Variants in SLC6A17 observed in about 807,000 individuals in gnomAD.
SLC6A17 encodes solute carrier family 6 member 17.
In SLC6A17, 21 loss-of-function variants were observed where a neutral mutation model predicts 64.5. The ratio of observed to expected loss-of-function variants is 0.33; its 90% CI spans 0.23 to 0.47. The LOEUF (loss-of-function observed/expected upper bound fraction) is 0.47, where lower values mean the gene tolerates loss of function less well. Among genes scored for constraint, SLC6A17 ranks in the 20% least tolerant of loss-of-function variants. The pLI, the probability that SLC6A17 is intolerant of heterozygous loss-of-function variation, is 1.00. For missense variants in SLC6A17, 682 were observed against 963.2 expected (o/e 0.71, Z 3.86); for synonymous variants, 372 against 399.5 (o/e 0.93, Z 0.82).
At chr1:110,163,204 G>T (rs1655964574) in intron 1 of SLC6A17, among the ~76,000 whole-genome samples, 1 of 151,902 alleles carries the variant, frequency 6.6e-6, no homozygotes, top group African/African-American at 2.4e-5. Flanking sequence ...CTTTGACACT[G>T]GGGTGTGGTG....
intron 1 of SLC6A17, among the ~76,000 whole-genome samples, chr1:110,158,647 G>A (rs34346606): frequency 0.45 from 67,740 of 152,096 alleles, 15,947 homozygotes; most frequent in Non-Finnish European, 0.53. Context: ...GTAAAACCAA[G>A]AGGGGTTATG....
At position 110,166,934 on chromosome 1, in the gene SLC6A17, C is replaced by T. The variant is rs774756143; in HGVS notation, c.5C>T (p.Pro2Leu). ...TACACGGCCCAGGTGGCATCAATGC[C>T]GAAGAACAGCAAAGTGACCCAGCGT... MPKNSKVTQREH... is the reference protein window; with the variant it reads MLKNSKVTQREH... Residue 2 changes from proline (P) to leucine (L), a missense_variant, in exon 2 of 12, where the codon CCG becomes CTG. Pro to Leu is a moderately conservative substitution (Grantham distance 98). This residue lies in a region of SLC6A17 where 415 missense variants were observed against 603.8 expected (regional missense o/e 0.69). Coordinates refer to ENST00000331565, the MANE Select transcript of SLC6A17 (RefSeq NM_001010898.4). 38 of 1,605,376 alleles carry T rather than the reference C, an allele frequency of 2.4e-5. No homozygotes were observed. In the South Asian group the frequency reaches 2.5e-4, roughly 11 times the overall value.
intron 6 of SLC6A17, among the ~76,000 whole-genome samples, chr1:110,181,385 G>T (rs34395095): frequency 0.063 from 9,639 of 152,286 alleles, 385 homozygotes; most frequent in Non-Finnish European, 0.096. Flanking sequence ...ATTTGTTTTA[G>T]TGGAAAAAGA....
intron 5 of SLC6A17, 75 bp from the exon 6 acceptor site, chr1:110,176,554 A>T: frequency 7.2e-7 from 1 of 1,396,736 alleles, no homozygotes. Flanking sequence ...CATGTGCCCC[A>T]GATGTGAGCA....
chr1:110,156,082 A>G (rs1012433216), intron 1 of SLC6A17, among the ~76,000 whole-genome samples: 2 of 152,206 alleles, frequency 1.3e-5, no homozygotes, highest in South Asian at 2.1e-4. Flanking sequence ...GGCTCGCAGA[A>G]TAGCCCGGTG....
rs77247197 is a variant in SLC6A17 at position 110,163,713 on chromosome 1, C to A, written c.-87-3130C>A. 6.7e-4 allele frequency among the ~76,000 whole-genome samples: 102 copies of A among 152,276 alleles called. No individual in the cohort carries two copies. In the East Asian group the frequency reaches 0.018, roughly 27 times the overall value. Reference sequence around the variant, plus strand: ...CACACACAGCACAGCCGTGCTCCTCCCTCCCCAGCACACCTCTCCCTGTCT... The same window carrying A: ...CACACACAGCACAGCCGTGCTCCTCACTCCCCAGCACACCTCTCCCTGTCT... On this transcript the variant is annotated intron_variant, in intron 1 of 11. Transcript: ENST00000331565.
At position 110,199,929 on chromosome 1, in the gene SLC6A17, T is replaced by TG. The variant is rs1176881740; in HGVS notation, c.*1491dup. 1 of 47,050 alleles carries TG rather than the reference T, an allele frequency of 2.1e-5. No individual in the cohort carries two copies. Among genetic ancestry groups the TG allele is most frequent in the Non-Finnish European group, 3.5e-5 (1 of 28,364 alleles). 2.9% of individuals were successfully genotyped at this position (47,050 alleles called of 1,614,324 possible). A position where few individuals can be genotyped will look rare whatever the true frequency, so the allele number is the denominator to read the frequency against. On this transcript the variant is annotated 3_prime_UTR_variant, in exon 12 of 12. Transcript: ENST00000331565. ...TGGATGGATGGATGGATGGATGGGT[T>TG]GGGGGGTGGGGGTGGATGGATAGAT...
chr1:110,153,127 C>T (rs1020423558), intron 1 of SLC6A17, among the ~76,000 whole-genome samples: 2 of 152,150 alleles, frequency 1.3e-5, no homozygotes, highest in African/African-American at 4.8e-5. Context: ...TCTGGGGTGA[C>T]TCCAGCACCA....
intron 1 of SLC6A17, among the ~76,000 whole-genome samples, chr1:110,156,528 T>TA (rs1655765313): frequency 6.6e-6 from 1 of 152,204 alleles, no homozygotes; most frequent in African/African-American, 2.4e-5. Flanking sequence ...AAAAAGAATA[T>TA]AGCTACAGTT....
chr1:110,172,574 A>G (rs896953385), intron 3 of SLC6A17: 9 of 178,066 alleles, frequency 5.1e-5, no homozygotes, highest in Non-Finnish European at 1.1e-4. Flanking sequence ...TCAGCTCCCC[A>G]TGAGGGAGGT....
intron 10 of SLC6A17, among the ~76,000 whole-genome samples, chr1:110,197,001 TCTG>T (rs1020512712): frequency 9.9e-5 from 15 of 152,238 alleles, no homozygotes; most frequent in African/African-American, 3.6e-4. Flanking sequence ...CTTCCAGAAT[TCTG>T]CTCACCCCTT....
chr1:110,178,455 A>C (rs1557836031), intron 6 of SLC6A17, among the ~76,000 whole-genome samples: 1 of 152,254 alleles, frequency 6.6e-6, no homozygotes, highest in Non-Finnish European at 1.5e-5. Flanking sequence ...TAATAGAATA[A>C]AAATTCTTAG....
intron 1 of SLC6A17, among the ~76,000 whole-genome samples, chr1:110,158,597 G>C (rs774255019): frequency 6.6e-6 from 1 of 152,194 alleles, no homozygotes; most frequent in Non-Finnish European, 1.5e-5. Context: ...AACCCTACGA[G>C]GTGTAGCATC....
intron 6 of SLC6A17, chr1:110,178,173 C>T (rs1395491518): frequency 2.6e-5 from 4 of 152,190 alleles, no homozygotes; most frequent in East Asian, 1.9e-4. Context: ...CAGTCTAAAA[C>T]GTTCACTTCA....
At chr1:110,195,561 A>G in intron 9 of SLC6A17, 25 bp from the exon 10 acceptor site, 1 of 1,612,726 alleles carries the variant, frequency 6.2e-7, no homozygotes, top group Non-Finnish European at 8.5e-7. Context: ...CTTTGCCCCC[A>G]AACCGGCCTC....
Position 110,198,218 on chromosome 1 carries a change from TG to T in SLC6A17, c.1959del (p.Ser654ProfsTer7). On this transcript the variant is annotated frameshift_variant, in exon 12 of 12. Transcript: ENST00000331565. LOFTEE classifies it high-confidence loss of function. ...TCTGATGGCTCCAACACCCTCTCCG[TG>T]TCCTACAAGAAGGGCCGCATGATGA... Reference protein sequence around the residue: ...LLSDGSNTLSVSYKKGRMMKD... With the variant: ...LLSDGSNTLSXSYKKGRMMKD... 1 of 1,614,166 alleles carries T rather than the reference TG, an allele frequency of 6.2e-7. No individual in the cohort carries two copies. Among genetic ancestry groups the T allele is most frequent in the Non-Finnish European group, 8.5e-7 (1 of 1,180,022 alleles).
intron 1 of SLC6A17, among the ~76,000 whole-genome samples, 199 bp downstream of exon 1, chr1:110,151,082 C>T (rs1655587452): frequency 6.6e-6 from 1 of 152,234 alleles, no homozygotes; most frequent in Admixed American, 6.5e-5. Flanking sequence ...GCCCCGGGGC[C>T]CGCTCTCCTT....
chr1:110,175,246 T>C (rs933969041), intron 5 of SLC6A17, among the ~76,000 whole-genome samples: 1 of 152,152 alleles, frequency 6.6e-6, no homozygotes, highest in African/African-American at 2.4e-5. Context: ...AAACTAGAAG[T>C]ATTGACCCAG....
At chr1:110,172,841 TGCTCAGA>T (rs947234366) in intron 3 of SLC6A17, among the ~76,000 whole-genome samples, 8 of 152,216 alleles carry the variant, frequency 5.3e-5, no homozygotes, top group African/African-American at 1.9e-4. Flanking sequence ...GATGAGAACC[TGCTCAGA>T]GCTCTACGTG....
Sources: gnomAD v4.1 joint callset for allele counts (sites outside exome capture counted in the v4.1 genomes callset) on GRCh38, gnomAD v4.1.1 for gene constraint, gnomAD v4.1.1 regional missense constraint, MANE v1.5 for transcripts, NCBI Gene and HGNC (gene_info 2026-07-23, HGNC 2026-07-21) for gene names.